Variants in ANO5 observed in about 807,000 individuals in gnomAD.
The protein encoded by ANO5 is anoctamin 5.
In ANO5, 109 loss-of-function variants were observed where a neutral mutation model predicts 121.0. The ratio of observed to expected loss-of-function variants is 0.90; its 90% CI spans 0.77 to 1.06. The LOEUF is 1.06. Among genes scored for constraint, ANO5 ranks in the 50% least tolerant of loss-of-function variants. The pLI, the probability that ANO5 is intolerant of heterozygous loss-of-function variation, is 0.00. For missense variants in ANO5, 1,064 were observed against 1,078.5 expected, an observed-to-expected ratio of 0.99 and a Z score of 0.19; for synonymous variants, 406 against 359.9, an observed-to-expected ratio of 1.13 and a Z score of -1.45.
rs773848535 is a variant in ANO5 at position 22,203,775 on chromosome 11, C to G, written c.41-29C>G. 2.9e-6 allele frequency: 4 copies of G among 1,364,564 alleles called. No homozygotes were observed. The Admixed American group carries it at 6.9e-5, about 24-fold the overall frequency. The allele number at this position is 1,364,564 out of a possible 1,614,324, so 84.5% of individuals were successfully genotyped here. A position where few individuals can be genotyped will look rare whatever the true frequency, so the allele number is the denominator to read the frequency against. On this transcript the variant is annotated intron_variant, in intron 1 of 21. Transcript: ENST00000324559. The stretch of plus-strand genomic sequence containing the variant: ...ATGTTCTGATCAGTGGCTAATTTAA[C>G]ATGTTTTTCTCTTTCTTATTTAATT...
intron 1 of ANO5, among the ~76,000 whole-genome samples, chr11:22,197,258 A>G (rs1180751682): frequency 1.3e-5 from 2 of 152,218 alleles, no homozygotes; most frequent in Admixed American, 1.3e-4. Context: ...TTCTAATTTT[A>G]AAAATGAAAT....
chr11:22,246,529 G>T (rs953891491), intron 9 of ANO5, among the ~76,000 whole-genome samples: 2 of 151,786 alleles, frequency 1.3e-5, no homozygotes, highest in South Asian at 4.2e-4. Flanking sequence ...AGGTTTTGTG[G>T]GTAGACTTGA....
At chr11:22,238,172 A>T (rs1394961203) in intron 8 of ANO5, among the ~76,000 whole-genome samples, 4 of 151,998 alleles carry the variant, frequency 2.6e-5, no homozygotes, top group Non-Finnish European at 5.9e-5. Context: ...GAGATTATAG[A>T]TTCTAAATAC....
chr11:22,230,918 T>G (rs1444002357), intron 7 of ANO5, among the ~76,000 whole-genome samples: 2 of 152,010 alleles, frequency 1.3e-5, no homozygotes, highest in Admixed American at 6.6e-5. Flanking sequence ...TTATCCAAAA[T>G]TATAGTCGTC....
At position 22,274,546 on chromosome 11, in the gene ANO5, CTCT is replaced by C. The variant is rs767872749; in HGVS notation, c.2236-21_2236-19del. The C allele has an allele frequency of 2.3e-5, 35 of 1,544,326 alleles. No homozygotes were observed. The highest frequency in any genetic ancestry group is 4.5e-5 in the East Asian group (2 of 44,178). ...ACTAAATTGGCAGCTGATGATCTTC[CTCT>C]TTTTTTTTTTATTCTTCAGGCCTTT... On this transcript the variant is annotated intron_variant, in intron 19 of 21. Coordinates refer to ENST00000324559, the MANE Select transcript of ANO5 (RefSeq NM_213599.3).
chr11:22,222,062 C>T (rs1852670347), intron 5 of ANO5, among the ~76,000 whole-genome samples: 1 of 151,906 alleles, frequency 6.6e-6, no homozygotes, highest in African/African-American at 2.4e-5. Context: ...TTTTGCTTTC[C>T]GTAGCAGTCC....
At chr11:22,231,224 A>T (rs948062575) in intron 7 of ANO5, among the ~76,000 whole-genome samples, 1 of 152,012 alleles carries the variant, frequency 6.6e-6, no homozygotes, top group African/African-American at 2.4e-5. Flanking sequence ...CCAGTATATA[A>T]CACTCATAAG....
chr11:22,203,724 T>A, intron 1 of ANO5, 80 bp from the exon 2 acceptor site: 1 of 878,104 alleles, frequency 1.1e-6, no homozygotes, highest in Non-Finnish European at 1.8e-6. Context: ...TCAATTCCTA[T>A]TTTTTCCTTA....
chr11:22,264,495 T>TAAC (rs536039523), intron 17 of ANO5, among the ~76,000 whole-genome samples: 30 of 150,328 alleles, frequency 2.0e-4, no homozygotes, highest in Admixed American at 2.6e-4. Flanking sequence ...ACAAGCAAAT[T>TAAC]AACAACAACA....
Position 22,250,767 on chromosome 11 carries a change from G to A in ANO5, c.1040G>A (p.Gly347Asp). 1 of 1,614,020 alleles carries A rather than the reference G, an allele frequency of 6.2e-7. No homozygotes were observed. ...ACTGAAATCTGTGACCCTGAGATTG[G>A]TGGTCAGATGATCATGTGCCCACTC... The part of the protein sequence containing the change: ...SSTEICDPEI[G>D]GQMIMCPLCD... The change falls in exon 11 of 22, where the codon GGT (glycine) becomes GAT (aspartate). Residue 347 changes from glycine to aspartate, a missense_variant. Physicochemically the swap from Gly to Asp is moderately conservative, Grantham distance 94. Coordinates refer to ENST00000324559, the MANE Select transcript of ANO5 (RefSeq NM_213599.3).
chr11:22,267,628 T>G (rs1854420328), intron 17 of ANO5, among the ~76,000 whole-genome samples: 1 of 42,620 alleles, frequency 2.3e-5, no homozygotes, highest in Non-Finnish European at 4.5e-5. Context: ...TCTCTTTTTT[T>G]TTAACTGTTC....
Position 22,280,095 on chromosome 11 carries a change from C to T in ANO5, c.*330C>T, listed in dbSNP as rs1855027611. ...AAGAAACACTGGCCTTGGGCTGTCC[C>T]ATCACTTTCCAGTGCATCTATTTAT... On this transcript the variant is annotated 3_prime_UTR_variant, in exon 22 of 22. Transcript: ENST00000324559. The T allele has an allele frequency of 3.1e-5, 8 of 259,756 alleles. No individual in the cohort carries two copies. In the South Asian group the frequency reaches 4.6e-4, roughly 15 times the overall value. The allele number at this position is 259,756 out of a possible 1,614,324, so 16.1% of individuals were successfully genotyped here.
rs144085847 is a variant in ANO5, at chr11:22,208,645, C to T, written c.88-2619C>T. On this transcript the variant is annotated intron_variant, in intron 2 of 21. Coordinates refer to ENST00000324559, the MANE Select transcript of ANO5 (RefSeq NM_213599.3). Reference sequence around the variant, plus strand: ...AATTGTACACACGTGACAAAATGACCTCCAACTATACAGAGACATTGTACT... The same window carrying T: ...AATTGTACACACGTGACAAAATGACTTCCAACTATACAGAGACATTGTACT... Among the ~76,000 whole-genome samples, 442 of 152,036 alleles carry T rather than the reference C, an allele frequency of 2.9e-3. 3 individuals are homozygous for T. The highest frequency in any genetic ancestry group is 0.01 in the African/African-American group (422 of 41,522).
chr11:22,250,881 G>C, intron 11 of ANO5, 35 bp downstream of exon 11: 1 of 1,610,640 alleles, frequency 6.2e-7, no homozygotes, highest in Non-Finnish European at 8.5e-7. Context: ...AAAAGACTTG[G>C]AATTTTCCTC....
intron 2 of ANO5, among the ~76,000 whole-genome samples, chr11:22,206,760 G>A (rs117459345): frequency 6.6e-6 from 1 of 152,108 alleles, no homozygotes; most frequent in Non-Finnish European, 1.5e-5. Context: ...CAAGAATAGA[G>A]AGGAACTATT....
intron 7 of ANO5, among the ~76,000 whole-genome samples, chr11:22,232,092 T>A: frequency 6.6e-6 from 1 of 152,022 alleles, no homozygotes. Flanking sequence ...TAGTTTGGCT[T>A]GTTTTTAAAT....
At chr11:22,228,653 C>T (rs1021673049) in intron 7 of ANO5, among the ~76,000 whole-genome samples, 1 of 152,092 alleles carries the variant, frequency 6.6e-6, no homozygotes, top group African/African-American at 2.4e-5. Context: ...CCCCCTACCT[C>T]TTCCCATTCT....
rs1196425612 is a variant in ANO5 at position 22,219,191 on chromosome 11, A to T, written c.180+904A>T. Among the ~76,000 whole-genome samples the T allele has an allele frequency of 4.6e-5, 7 of 152,050 alleles. No homozygotes were observed. In the East Asian group the frequency reaches 1.4e-3, roughly 29 times the overall value. ...TTTCCCATATTTAAAACAGATTTAC[A>T]GTGTATCATCAGGGTGTGATATAAT... On this transcript the variant is annotated intron_variant, in intron 4 of 21. Transcript: ENST00000324559.
intron 1 of ANO5, among the ~76,000 whole-genome samples, chr11:22,199,618 A>T (rs1456132596): frequency 6.6e-6 from 1 of 152,130 alleles, no homozygotes; most frequent in Non-Finnish European, 1.5e-5. Flanking sequence ...GAAAATAGGT[A>T]TATTTTCTAA....
Sources: allele counts gnomAD v4.1 joint callset (sites outside exome capture counted in the v4.1 genomes callset), GRCh38; gene constraint gnomAD v4.1.1; transcripts MANE v1.5; gene names NCBI Gene and HGNC (gene_info 2026-07-23, HGNC 2026-07-21).